ATP11C: variants seen among roughly 807,000 people sequenced by gnomAD.
ATP11C encodes the protein ATPase phospholipid transporting 11C (ATP11C blood group), also known as phospholipid-transporting ATPase IG.
A neutral mutation model predicts 97.4 loss-of-function variants in ATP11C; 36 were observed. That is an observed-to-expected ratio of 0.37 (90% CI 0.28 to 0.49). The LOEUF (loss-of-function observed/expected upper bound fraction) is 0.49. Ranked by LOEUF, ATP11C falls within the 20% of genes least tolerant of loss-of-function variation. The pLI, the probability that ATP11C is intolerant of heterozygous loss-of-function variation, is 0.98. For synonymous variants in ATP11C, 275 were observed against 290.9 expected, an observed-to-expected ratio of 0.95 and a Z score of 0.56; for missense variants, 730 against 824.6, an observed-to-expected ratio of 0.89 and a Z score of 1.40.
chrX:139,858,111 C>CAA (rs2084122466), intron 1 of ATP11C, among the ~76,000 whole-genome samples: 1 of 113,005 alleles, frequency 8.8e-6, no homozygotes, highest in African/African-American at 3.2e-5. Flanking sequence ...TGCCATGGGG[C>CAA]AACTCAGCAA....
At chrX:139,784,294 C>T (rs183503663) in intron 16 of ATP11C, among the ~76,000 whole-genome samples, 1 of 110,744 alleles carries the variant, frequency 9.0e-6, no homozygotes, top group East Asian at 2.8e-4. Flanking sequence ...TATTCTTACA[C>T]ATCCAAAGTG....
chrX:139,822,696 G>A (rs1361548639), intron 2 of ATP11C, among the ~76,000 whole-genome samples: 3 of 109,426 alleles, frequency 2.7e-5, no homozygotes, highest in Non-Finnish European at 3.8e-5. Context: ...TTACAGGCGT[G>A]AGCCACCGCG....
chrX:139,904,061 A>G (rs542007704), intron 1 of ATP11C, among the ~76,000 whole-genome samples: 4 of 112,079 alleles, frequency 3.6e-5, no homozygotes, highest in South Asian at 3.7e-4. Flanking sequence ...CTCTAACAAA[A>G]TTAGAAAACC....
chrX:139,861,284 TCC>T (rs2084190401), intron 1 of ATP11C, among the ~76,000 whole-genome samples: 1 of 111,588 alleles, frequency 9.0e-6, no homozygotes, highest in Non-Finnish European at 1.9e-5. Context: ...ATGAAGGTAT[TCC>T]CTCACTATTT....
Position 139,789,317 on chromosome X carries a change from G to C in ATP11C, c.1368+10C>G. The C allele has an allele frequency of 8.5e-7, 1 of 1,181,556 alleles. No individual in the cohort carries two copies. Among genetic ancestry groups the C allele is most frequent in the Non-Finnish European group, 1.1e-6 (1 of 876,222 alleles). ...TTGGTTTCTTATATAAAACAATAATGCAAATGCACCTTATCTACTTTGTCA... is the reference window on the plus strand; with the variant it reads ...TTGGTTTCTTATATAAAACAATAATCCAAATGCACCTTATCTACTTTGTCA... On this transcript the variant is annotated intron_variant, in intron 13 of 29. Coordinates refer to ENST00000682941, the MANE Select transcript of ATP11C (RefSeq NM_001353812.2).
At chrX:139,803,391 T>G (rs748264627) in intron 6 of ATP11C, among the ~76,000 whole-genome samples, 36 of 110,989 alleles carry the variant, frequency 3.2e-4, no homozygotes, top group South Asian at 1.1e-3. Flanking sequence ...CAACTCCAGA[T>G]GGAATAAACA....
intron 2 of ATP11C, among the ~76,000 whole-genome samples, chrX:139,822,247 A>C (rs2083426127): frequency 8.9e-6 from 1 of 112,505 alleles, no homozygotes; most frequent in Non-Finnish European, 1.9e-5. Flanking sequence ...CCCAGGCTGG[A>C]GTGCGGTAGC....
In ATP11C at chrX:139,738,148, T is replaced by C. The variant is rs368829684; in HGVS notation, c.3135-79A>G. ...AAATGGACATTTAATTAAAATGTCGTTTGTATTTAAAAAGAATCTTCCTTA... is the reference window on the plus strand; with the variant it reads ...AAATGGACATTTAATTAAAATGTCGCTTGTATTTAAAAAGAATCTTCCTTA... On this transcript the variant is annotated intron_variant, in intron 27 of 29. Coordinates refer to ENST00000682941, the MANE Select transcript of ATP11C (RefSeq NM_001353812.2). 1.8e-5 allele frequency: 15 copies of C among 852,575 alleles called. No homozygotes were observed. In the African/African-American group the frequency reaches 2.5e-4, roughly 14 times the overall value. 70.3% of individuals were successfully genotyped at this position (852,575 alleles called of 1,213,427 possible). A position where few individuals can be genotyped will look rare whatever the true frequency, so the allele number is the denominator to read the frequency against.
At position 139,763,353 on chromosome X, in the gene ATP11C, A is replaced by G. The variant is rs1395321568; in HGVS notation, c.2457T>C (p.Asn819=). The G allele has an allele frequency of 8.3e-7, 1 of 1,210,486 alleles. No individual in the cohort carries two copies. The highest frequency in any genetic ancestry group is 3.0e-5 in the East Asian group (1 of 33,834). The change falls in exon 21 of 30, where the codon AAT becomes AAC. Residue 819 remains asparagine (N), a synonymous_variant. Transcript: ENST00000682941. ...GGGATTCCAAGATCATACTAACATC[A>G]TTGGCACCATCACCTATCGACAGAG... ...PITLSIGDGA[N]DVSMILESHV...
chrX:139,916,228 TAA>T (rs71974305), intron 1 of ATP11C, among the ~76,000 whole-genome samples: 6 of 91,829 alleles, frequency 6.5e-5, no homozygotes, highest in South Asian at 1.2e-3. Flanking sequence ...GACTCTGTCT[TAA>T]AAAAAAAAAA....
chrX:139,901,555 G>T (rs1333643766), intron 1 of ATP11C, among the ~76,000 whole-genome samples: 1 of 111,669 alleles, frequency 9.0e-6, no homozygotes, highest in Non-Finnish European at 1.9e-5. Flanking sequence ...GTAGCCCCGT[G>T]GGGAGGCTAA....
At chrX:139,873,683 G>A (rs1316780012) in intron 1 of ATP11C, among the ~76,000 whole-genome samples, 2 of 94,413 alleles carry the variant, frequency 2.1e-5, no homozygotes, top group Non-Finnish European at 4.2e-5. Flanking sequence ...CTCCAGGCTG[G>A]GTAACAGAGC....
chrX:139,830,310 A>C (rs930803456), intron 1 of ATP11C, among the ~76,000 whole-genome samples: 1 of 112,137 alleles, frequency 8.9e-6, no homozygotes, highest in Admixed American at 9.5e-5. Flanking sequence ...TCTTTCAAAC[A>C]GTGATCGTCC....
At chrX:139,793,049 G>T (rs961546470) in intron 12 of ATP11C, among the ~76,000 whole-genome samples, 6 of 111,324 alleles carry the variant, frequency 5.4e-5, no homozygotes, top group Non-Finnish European at 1.1e-4. Context: ...CACCCTGTGG[G>T]ATCTGATGTT....
intron 1 of ATP11C, among the ~76,000 whole-genome samples, chrX:139,878,799 T>C (rs974733129): frequency 9.2e-6 from 1 of 108,268 alleles, no homozygotes; most frequent in Non-Finnish European, 1.9e-5. Context: ...CAGGAGCCAA[T>C]ACCTAGAGGC....
At chrX:139,853,698 C>T in intron 1 of ATP11C, among the ~76,000 whole-genome samples, 1 of 109,577 alleles carries the variant, frequency 9.1e-6, no homozygotes, top group South Asian at 4.0e-4. Context: ...AATCCTTAAC[C>T]CAGTAACCCG....
chrX:139,767,149 T>C (rs948788519), intron 20 of ATP11C, among the ~76,000 whole-genome samples: 2 of 111,726 alleles, frequency 1.8e-5, no homozygotes, highest in Non-Finnish European at 3.8e-5. Context: ...ACTAAGAAAC[T>C]ACTGAAAGTG....
Position 139,932,037 on chromosome X carries a change from G to A in ATP11C, c.6C>T (p.Phe2=). M[F]RRSLNRFCAG... is the part of the protein sequence containing the mutation. ...TTACAAAACGATTCAAGCTCCGGCG[G>A]AACATCGCGTCGAAGGCTGCCGGGC... is the stretch of plus-strand genomic sequence containing the variant. Residue 2 remains phenylalanine (F), a synonymous_variant, in exon 1 of 30, where the codon TTC becomes TTT. Coordinates refer to ENST00000682941, the MANE Select transcript of ATP11C (RefSeq NM_001353812.2). 5.2e-6 allele frequency: 6 copies of A among 1,164,244 alleles called. No homozygotes were observed. The highest frequency in any genetic ancestry group is 2.3e-4 in the Middle Eastern group (1 of 4,263).
chrX:139,902,865 G>A (rs746697032), intron 1 of ATP11C, among the ~76,000 whole-genome samples: 1 of 111,747 alleles, frequency 8.9e-6, no homozygotes, highest in East Asian at 2.8e-4. Context: ...GTGTACCAAC[G>A]GAGAGAAGGA....
Sources: gnomAD v4.1 joint callset for allele counts (sites outside exome capture counted in the v4.1 genomes callset) on GRCh38, gnomAD v4.1.1 for gene constraint, MANE v1.5 for transcripts, NCBI Gene and HGNC (gene_info 2026-07-23, HGNC 2026-07-21) for gene names.